RGS6: variants seen among roughly 807,000 people sequenced by gnomAD.
The protein encoded by RGS6 is regulator of G-protein signaling 6.
Under a neutral mutation model 78.5 loss-of-function variants are expected in RGS6, and 30 were observed. That is an observed-to-expected ratio of 0.38 (90% CI 0.29 to 0.52). RGS6 has a LOEUF of 0.52. RGS6 is among the 20% of genes least tolerant of loss of function. RGS6 has a pLI of 0.85. For synonymous variants in RGS6, 206 were observed against 206.0 expected (o/e 1.00, Z 0.00); for missense variants, 495 against 609.7 (o/e 0.81, Z 1.98).
chr14:72,220,263 A>AT (rs748512781), intron 2 of RGS6, among the ~76,000 whole-genome samples: 25 of 151,118 alleles, frequency 1.7e-4, no homozygotes, highest in South Asian at 4.2e-4. Flanking sequence ...TTCCACATGA[A>AT]TTTTTTTTTT....
intron 2 of RGS6, among the ~76,000 whole-genome samples, chr14:72,148,949 A>G (rs1370007800): frequency 6.6e-6 from 1 of 152,208 alleles, no homozygotes; most frequent in South Asian, 2.1e-4. Flanking sequence ...ATGGCTTAAA[A>G]CAACATTTAC....
At chr14:72,280,397 A>T (rs1269731973) in intron 2 of RGS6, among the ~76,000 whole-genome samples, 2 of 152,220 alleles carry the variant, frequency 1.3e-5, no homozygotes, top group East Asian at 3.8e-4. Context: ...ATAGCACCTG[A>T]TTCCCTCCAA....
chr14:72,141,490 A>G (rs2096538928), intron 2 of RGS6, among the ~76,000 whole-genome samples: 1 of 152,126 alleles, frequency 6.6e-6, no homozygotes, highest in South Asian at 2.1e-4. Context: ...CTTTTCTTTT[A>G]GGAGTTGATT....
intron 2 of RGS6, among the ~76,000 whole-genome samples, chr14:72,072,800 T>C (rs1047228070): frequency 2.6e-5 from 4 of 152,218 alleles, no homozygotes; most frequent in Non-Finnish European, 5.9e-5. Context: ...TGTCAAAATA[T>C]ATTAAGCAGC....
At chr14:71,939,276 A>AC (rs1228141560) in intron 1 of RGS6, among the ~76,000 whole-genome samples, 2 of 152,086 alleles carry the variant, frequency 1.3e-5, no homozygotes, top group African/African-American at 4.8e-5. Context: ...ACACCACTGG[A>AC]CCCCTAGAAA....
intron 2 of RGS6, among the ~76,000 whole-genome samples, chr14:72,091,161 G>C (rs996518943): frequency 3.3e-5 from 5 of 152,034 alleles, no homozygotes; most frequent in Non-Finnish European, 5.9e-5. Context: ...CAGTGCCCTT[G>C]CCATAGCTCC....
At chr14:72,484,691 C>T (rs75187213) in intron 12 of RGS6, among the ~76,000 whole-genome samples, 2,721 of 152,224 alleles carry the variant, frequency 0.018, 67 homozygotes, top group African/African-American at 0.052. Context: ...TTTCCTTCCC[C>T]TCCATGTTTA....
At chr14:72,549,493 C>CA (rs547807929) in intron 17 of RGS6, among the ~76,000 whole-genome samples, 12 of 152,088 alleles carry the variant, frequency 7.9e-5, no homozygotes, top group African/African-American at 2.9e-4. Flanking sequence ...TTGTTGAAAG[C>CA]AAAAAGGATC....
At chr14:72,223,116 T>G (rs2047263055) in intron 2 of RGS6, among the ~76,000 whole-genome samples, 1 of 152,212 alleles carries the variant, frequency 6.6e-6, no homozygotes, top group Non-Finnish European at 1.5e-5. Context: ...TCAAATTTGT[T>G]GATGAAATTT....
chr14:72,465,550 CTGGATGGATGGATGGATGGA>C (rs563552344), intron 6 of RGS6, among the ~76,000 whole-genome samples, 188 bp from the exon 7 acceptor site: 2 of 110,306 alleles, frequency 1.8e-5, no homozygotes, highest in African/African-American at 7.5e-5. Context: ...GGCGGGCTGT[CTGGATGGATGGATGGATGGA>C]TGGATGGATG....
intron 2 of RGS6, among the ~76,000 whole-genome samples, chr14:72,125,793 T>C (rs923751875): frequency 7.2e-5 from 11 of 152,160 alleles, no homozygotes; most frequent in Admixed American, 5.9e-4. Context: ...GGTGGAGTTT[T>C]TGTCCTCTGA....
At chr14:72,166,403 C>A (rs1296621870) in intron 2 of RGS6, among the ~76,000 whole-genome samples, 2 of 152,068 alleles carry the variant, frequency 1.3e-5, no homozygotes, top group Non-Finnish European at 2.9e-5. Flanking sequence ...AAGAAAATTT[C>A]TATGACAAAG....
At chr14:72,351,183 G>A (rs771434379) in intron 2 of RGS6, among the ~76,000 whole-genome samples, 11 of 152,076 alleles carry the variant, frequency 7.2e-5, no homozygotes, top group South Asian at 2.1e-4. Flanking sequence ...AAAATAAAAC[G>A]TGATAATACT....
chr14:72,282,175 C>G (rs935527782), intron 2 of RGS6, among the ~76,000 whole-genome samples: 1 of 152,090 alleles, frequency 6.6e-6, no homozygotes, highest in African/African-American at 2.4e-5. Flanking sequence ...AGTGTGAACC[C>G]TTGAGTTGTG....
intron 2 of RGS6, among the ~76,000 whole-genome samples, chr14:72,266,250 G>T (rs1354452550): frequency 6.6e-6 from 1 of 152,200 alleles, no homozygotes; most frequent in African/African-American, 2.4e-5. Flanking sequence ...TCAGCTGGGT[G>T]TGTCCACTGG....
chr14:72,150,945 G>A (rs893361946), intron 2 of RGS6, among the ~76,000 whole-genome samples: 1 of 152,184 alleles, frequency 6.6e-6, no homozygotes, highest in African/African-American at 2.4e-5. Flanking sequence ...TGATAATTGT[G>A]TATCCTCTTT....
intron 14 of RGS6, chr14:72,514,140 G>A (rs1183330576): frequency 2.0e-5 from 3 of 152,206 alleles, no homozygotes; most frequent in African/African-American, 7.2e-5. Flanking sequence ...CTTCAGTGGT[G>A]CTGGGGGTGG....
At chr14:72,579,325 C>T in the RGS6 span, among the ~76,000 whole-genome samples, 680 of 152,304 alleles carry the variant, frequency 4.5e-3, 3 homozygotes, top group Admixed American at 6.4e-3. Flanking sequence ...ATGTGCCACA[C>T]GTACCATCTT....
intron 2 of RGS6, among the ~76,000 whole-genome samples, chr14:72,176,318 C>T (rs1010003082): frequency 4.6e-5 from 7 of 152,178 alleles, no homozygotes; most frequent in African/African-American, 1.7e-4. Flanking sequence ...GGGCATACTT[C>T]CCTATGTGCT....
Sources: gnomAD v4.1 joint callset for allele counts (sites outside exome capture counted in the v4.1 genomes callset) on GRCh38, gnomAD v4.1.1 for gene constraint, MANE v1.5 for transcripts, NCBI Gene and HGNC (gene_info 2026-07-23, HGNC 2026-07-21) for gene names.